DOCK8: variants seen among roughly 807,000 people sequenced by gnomAD.
DOCK8 encodes dedicator of cytokinesis 8.
DOCK8 carries 141 observed loss-of-function variants against 245.6 expected under a neutral mutation model. The ratio of observed to expected loss-of-function variants is 0.57; its 90% CI spans 0.50 to 0.66. The LOEUF is 0.66. Among genes scored for constraint, DOCK8 ranks in the 30% least tolerant of loss-of-function variants. The pLI is 0.00. For synonymous variants in DOCK8, 1,168 were observed against 970.2 expected (o/e 1.20, Z -3.79); for missense variants, 2,965 against 2,603.4 (o/e 1.14, Z -3.02).
intron 40 of DOCK8, 95 bp from the exon 41 acceptor site, chr9:441,191 C>T: frequency 1.3e-6 from 2 of 1,550,122 alleles, no homozygotes; most frequent in South Asian, 1.1e-5. Context: ...AATAAATTCA[C>T]TCTCCAGCAC....
intron 24 of DOCK8, 96 bp downstream of exon 24, chr9:390,662 G>A: frequency 1.7e-6 from 2 of 1,172,882 alleles, no homozygotes; most frequent in South Asian, 2.5e-5. Flanking sequence ...TGCCCCTGCT[G>A]AAAACCTGGG....
At chr9:385,096 G>A (rs981197266) in intron 22 of DOCK8, among the ~76,000 whole-genome samples, 1 of 152,070 alleles carries the variant, frequency 6.6e-6, no homozygotes, top group Non-Finnish European at 1.5e-5. Context: ...TGATTGCTTA[G>A]TTTTCCAGAA....
intron 14 of DOCK8, among the ~76,000 whole-genome samples, chr9:358,719 T>C (rs891148202): frequency 6.7e-6 from 1 of 148,282 alleles, no homozygotes; most frequent in African/African-American, 2.5e-5. Flanking sequence ...TGTGGTGGCA[T>C]GTGCCTGTAG....
chr9:306,595 G>C (rs1247043115), intron 5 of DOCK8, among the ~76,000 whole-genome samples: 1 of 152,176 alleles, frequency 6.6e-6, no homozygotes, highest in East Asian at 1.9e-4. Flanking sequence ...CAGCACACCA[G>C]CCTGGGGCTG....
rs999488522 is a variant in DOCK8 at position 340,886 on chromosome 9, T to TA, written c.1679+575dup. ...TAGTGGACATATGTTTTCCAGAGAT[T>TA]AAAAAAAAAATCTGCTAGCCATTAC... is the stretch of plus-strand genomic sequence containing the variant. On this transcript the variant is annotated intron_variant, in intron 14 of 47. Coordinates refer to ENST00000432829, the MANE Select transcript of DOCK8 (RefSeq NM_203447.4). Among the ~76,000 whole-genome samples the TA allele has an allele frequency of 6.7e-5, 10 of 150,146 alleles. 1 individual carries two copies. Among genetic ancestry groups the TA allele is most frequent in the South Asian group, 6.3e-4 (3 of 4,750 alleles).
chr9:222,665 G>A (rs1390462340), intron 1 of DOCK8, among the ~76,000 whole-genome samples: 1 of 152,200 alleles, frequency 6.6e-6, no homozygotes, highest in Non-Finnish European at 1.5e-5. Flanking sequence ...AAATAGTCAT[G>A]CATTTCTCCT....
chr9:292,411 AAAG>A (rs1264415531), intron 4 of DOCK8, among the ~76,000 whole-genome samples: 1 of 150,824 alleles, frequency 6.6e-6, no homozygotes, highest in African/African-American at 2.4e-5. Context: ...AAAAAAAAAA[AAAG>A]ATTATTGACA....
intron 15 of DOCK8, 191 bp downstream of exon 15, chr9:368,326 C>T: frequency 5.5e-6 from 4 of 733,420 alleles, no homozygotes; most frequent in Non-Finnish European, 1.0e-5. Context: ...CGATCTCTTT[C>T]TCGGCTTATT....
chr9:357,069 T>C (rs1023700247), intron 14 of DOCK8, among the ~76,000 whole-genome samples: 4 of 152,218 alleles, frequency 2.6e-5, no homozygotes, highest in Non-Finnish European at 5.9e-5. Flanking sequence ...TAGTTGGACT[T>C]AAACAAGTGA....
intron 1 of DOCK8, among the ~76,000 whole-genome samples, chr9:232,387 G>A (rs1036073813): frequency 6.6e-6 from 1 of 152,160 alleles, no homozygotes; most frequent in Non-Finnish European, 1.5e-5. Context: ...CCAGGCTTTG[G>A]TATCAGGATG....
intron 22 of DOCK8, among the ~76,000 whole-genome samples, chr9:386,000 A>G (rs2131322158): frequency 6.6e-6 from 1 of 152,272 alleles, no homozygotes; most frequent in East Asian, 1.9e-4. Flanking sequence ...TAAACCACAG[A>G]GAGACACTGT....
chr9:365,080 G>T (rs1280152333), intron 14 of DOCK8, among the ~76,000 whole-genome samples: 1 of 152,236 alleles, frequency 6.6e-6, no homozygotes, highest in Non-Finnish European at 1.5e-5. Flanking sequence ...GAAAGATAAG[G>T]TCAGAGCCAT....
chr9:450,799 C>T (rs1343299409), intron 45 of DOCK8, among the ~76,000 whole-genome samples: 1 of 151,522 alleles, frequency 6.6e-6, no homozygotes, highest in Non-Finnish European at 1.5e-5. Flanking sequence ...TCCAAGCCCA[C>T]AACCATGGTC....
At chr9:402,751 G>A (rs1163883101) in intron 26 of DOCK8, among the ~76,000 whole-genome samples, 1 of 152,096 alleles carries the variant, frequency 6.6e-6, no homozygotes, top group African/African-American at 2.4e-5. Context: ...CTCAATTACT[G>A]TCTGTCACTT....
intron 40 of DOCK8, among the ~76,000 whole-genome samples, chr9:439,731 G>A (rs941493673): frequency 1.3e-5 from 2 of 152,114 alleles, no homozygotes; most frequent in Non-Finnish European, 2.9e-5. Flanking sequence ...TAAATGATGA[G>A]GCATGTTTTC....
At position 325,692 on chromosome 9, in the gene DOCK8, C is replaced by A; in HGVS notation, c.849C>A (p.Pro283=). 4 of 1,613,966 alleles carry A rather than the reference C, an allele frequency of 2.5e-6. No individual in the cohort carries two copies. The highest frequency in any genetic ancestry group is 3.4e-6 in the Non-Finnish European group (4 of 1,179,940). The change falls in exon 8 of 48, where the codon CCC becomes CCA. Residue 283 remains proline (P), a synonymous_variant. Transcript: ENST00000432829. ...GTAGGTTCGAGATTGAAATTGAGCC[C>A]CTGTTTGCCAGCATTGCCCTCTACG... ...LTLKFEIEIE[P]LFASIALYDV...
rs535885161 is a variant in DOCK8, at chr9:415,108, C to A, written c.3700+157C>A. ...AAACCTCTTTAACACTGGCCCCAAT[C>A]AGTTAAAAAAACAAAAAAAGTCACA... On this transcript the variant is annotated intron_variant, in intron 29 of 47. Transcript: ENST00000432829. Among the ~76,000 whole-genome samples the A allele has an allele frequency of 2.3e-4, 35 of 152,158 alleles. 1 individual carries two copies. In the South Asian group the frequency reaches 6.7e-3, roughly 29 times the overall value.
intron 44 of DOCK8, among the ~76,000 whole-genome samples, chr9:448,675 C>T (rs2057338163): frequency 1.3e-5 from 2 of 152,140 alleles, no homozygotes; most frequent in South Asian, 4.1e-4. Flanking sequence ...CATCATCTTC[C>T]CTCTGTGTTC....
chr9:462,476 C>G (rs1353345907), intron 46 of DOCK8, among the ~76,000 whole-genome samples: 1 of 152,220 alleles, frequency 6.6e-6, no homozygotes, highest in African/African-American at 2.4e-5. Context: ...GATGGGATAG[C>G]TTTTCAAGGC....
Sources: gnomAD v4.1 joint callset for allele counts (sites outside exome capture counted in the v4.1 genomes callset) on GRCh38, gnomAD v4.1.1 for gene constraint, MANE v1.5 for transcripts, NCBI Gene and HGNC (gene_info 2026-07-23, HGNC 2026-07-21) for gene names.